The following DYNC2H1 variants were observed in gnomAD, a reference collection of about 807,000 sequenced individuals.
DYNC2H1 encodes the protein cytoplasmic dynein 2 heavy chain 1.
In DYNC2H1, 410 loss-of-function variants were observed where a neutral mutation model predicts 570.0. The ratio of observed to expected loss-of-function variants is 0.72; its 90% CI spans 0.66 to 0.78. The LOEUF (loss-of-function observed/expected upper bound fraction) is 0.78, where lower values mean the gene tolerates loss of function less well. DYNC2H1 is among the 30% of genes least tolerant of loss of function. The pLI is 0.00. For synonymous variants in DYNC2H1, 1,688 were observed against 1,677.6 expected, an observed-to-expected ratio of 1.01 and a Z score of -0.15; for missense variants, 4,865 against 5,046.4, an observed-to-expected ratio of 0.96 and a Z score of 1.09.
At position 103,234,128 on chromosome 11, in the gene DYNC2H1, C is replaced by G. The variant is rs768771336; in HGVS notation, c.9535C>G (p.Leu3179Val). Residue 3179 changes from leucine (L) to valine (V), a missense_variant, in exon 61 of 89, where the codon CTT becomes GTT. Physicochemically the swap from Leu to Val is conservative, Grantham distance 32 (BLOSUM62 1). Coordinates refer to ENST00000375735, the MANE Select transcript of DYNC2H1 (RefSeq NM_001377.3). The part of the protein sequence containing the change: ...IKAAEVLINQ[L>V]DREHKRWNAQ... ...AGCTGCAGAAGTCTTAATTAATCAG[C>G]TTGACAGAGAACATAAGAGATGGAA... 1.3e-6 allele frequency: 2 copies of G among 1,581,616 alleles called. No individual in the cohort carries two copies. The highest frequency in any genetic ancestry group is 2.3e-5 in the South Asian group (2 of 86,198).
chr11:103,274,963 C>T lies in DYNC2H1; in HGVS notation c.10696-5385C>T, dbSNP rs35226663. Among the ~76,000 whole-genome samples, 290 of 151,828 alleles carry T rather than the reference C, an allele frequency of 1.9e-3. 1 individual carries two copies. The highest frequency in any genetic ancestry group is 3.7e-3 in the Non-Finnish European group (251 of 67,930). ...TACAAAAATTAGCCAGGTGTGGTGGCGGGCACCTATAATCCCAACTACTGG... is the reference window on the plus strand; with the variant it reads ...TACAAAAATTAGCCAGGTGTGGTGGTGGGCACCTATAATCCCAACTACTGG... On this transcript the variant is annotated intron_variant, in intron 70 of 88. Coordinates refer to ENST00000375735, the MANE Select transcript of DYNC2H1 (RefSeq NM_001377.3).
intron 84 of DYNC2H1, among the ~76,000 whole-genome samples, chr11:103,426,095 T>C (rs1456617340): frequency 7.6e-6 from 1 of 131,994 alleles, no homozygotes; most frequent in Non-Finnish European, 1.6e-5. Flanking sequence ...CCACAAACAA[T>C]AGTATGAGCA....
In DYNC2H1 at chr11:103,255,987, T is replaced by A. The variant is rs942816003; in HGVS notation, c.10327-119T>A. On this transcript the variant is annotated intron_variant, in intron 67 of 88. Transcript: ENST00000375735. Reference sequence around the variant, plus strand: ...TTAAGAGGGCTATAAAATGTTGAAATTCTTCTAAAATAACATAAGTTGCCA... The same window carrying A: ...TTAAGAGGGCTATAAAATGTTGAAAATCTTCTAAAATAACATAAGTTGCCA... 50 of 873,062 alleles carry A rather than the reference T, an allele frequency of 5.7e-5. No homozygotes were observed. In the East Asian group the frequency reaches 1.5e-3, roughly 26 times the overall value. 54.1% of individuals were successfully genotyped at this position (873,062 alleles called of 1,614,324 possible).
intron 47 of DYNC2H1, among the ~76,000 whole-genome samples, chr11:103,193,333 T>C (rs1024351445): frequency 6.6e-6 from 1 of 152,122 alleles, no homozygotes; most frequent in Admixed American, 6.6e-5. Context: ...TCTTTCTCAG[T>C]CTGAAAATTG....
rs1214797317 is a variant in DYNC2H1, at chr11:103,307,726, G to A, written c.11388G>A (p.Leu3796=). 5 of 1,571,416 alleles carry A rather than the reference G, an allele frequency of 3.2e-6. No homozygotes were observed. Among genetic ancestry groups the A allele is most frequent in the Non-Finnish European group, 4.3e-6 (5 of 1,156,644 alleles). The change falls in exon 78 of 89, where the codon TTG becomes TTA. Residue 3796 remains leucine (L), a synonymous_variant. Transcript: ENST00000375735. ...TCATTGGTTTTGTAAACAAGGAATT[G>A]AATACTCTTCAACCTAAAGATACCT... ...VSWLPVLEKE[L]NTLQPKDTFR...
Position 103,209,001 on chromosome 11 carries a change from C to T in DYNC2H1, c.8455-875C>T, listed in dbSNP as rs143640758. ...TAAAAATATAAGTTTAAAATATTCT[C>T]GTATAGGTTTAAGTGTTTTGTCAGA... On this transcript the variant is annotated intron_variant, in intron 52 of 88. Transcript: ENST00000375735. This position sits in a 1 kb window ranked among gnomAD's most constrained non-coding sequence, Gnocchi z 4.2. Among the ~76,000 whole-genome samples, 375 of 152,090 alleles carry T rather than the reference C, an allele frequency of 2.5e-3. 7 individuals are homozygous for T. The East Asian group carries it at 0.03, about 12-fold the overall frequency.
intron 83 of DYNC2H1, among the ~76,000 whole-genome samples, chr11:103,365,922 C>T (rs1471432419): frequency 6.6e-6 from 1 of 152,140 alleles, no homozygotes; most frequent in East Asian, 1.9e-4. Flanking sequence ...AACAAATGCT[C>T]CTTTTTTGTG....
intron 17 of DYNC2H1, among the ~76,000 whole-genome samples, chr11:103,140,185 C>T (rs1341991331): frequency 6.6e-6 from 1 of 152,118 alleles, no homozygotes; most frequent in African/African-American, 2.4e-5. Flanking sequence ...CAGTCTGTGT[C>T]TTTTAATTGT....
rs535298311 is a variant in DYNC2H1, at chr11:103,479,355, A to G, written c.*102A>G. Reference sequence around the variant, plus strand: ...TCTACATTTGAAATGTTAGTTCAAAATATTAACATATAGTTATGTTGTTGA... The same window carrying G: ...TCTACATTTGAAATGTTAGTTCAAAGTATTAACATATAGTTATGTTGTTGA... On this transcript the variant is annotated 3_prime_UTR_variant, in exon 89 of 89. Transcript: ENST00000375735. The G allele has an allele frequency of 3.3e-5, 43 of 1,307,324 alleles. 1 individual carries two copies. The South Asian group carries it at 6.6e-4, about 20-fold the overall frequency. 81.0% of individuals were successfully genotyped at this position (1,307,324 alleles called of 1,614,324 possible).
chr11:103,449,086 A>G (rs530618281), intron 85 of DYNC2H1, among the ~76,000 whole-genome samples: 30 of 152,230 alleles, frequency 2.0e-4, no homozygotes, highest in Non-Finnish European at 3.7e-4. Flanking sequence ...AATAGCCTAT[A>G]CAGGTAAATG....
rs544295770 is a variant in DYNC2H1, at chr11:103,308,072, C to T, written c.11493+241C>T. ...AAACACATAACATGACATTTGCTAT[C>T]GTAACAATTTTTAAGTGTGTAGTGC... On this transcript the variant is annotated intron_variant, in intron 78 of 88. Transcript: ENST00000375735. 2.7e-4 allele frequency among the ~76,000 whole-genome samples: 41 copies of T among 151,992 alleles called. No homozygotes were observed. In the South Asian group the frequency reaches 4.4e-3, roughly 16 times the overall value.
At chr11:103,266,419 G>A (rs981595012) in intron 70 of DYNC2H1, among the ~76,000 whole-genome samples, 11 of 152,010 alleles carry the variant, frequency 7.2e-5, no homozygotes, top group African/African-American at 2.4e-4. Flanking sequence ...AAGCAGGAGC[G>A]GTCACTCAGG....
intron 83 of DYNC2H1, among the ~76,000 whole-genome samples, chr11:103,366,652 A>T (rs899542342): frequency 8.5e-5 from 13 of 152,164 alleles, no homozygotes; most frequent in African/African-American, 1.2e-4. Context: ...TTACAGATGT[A>T]ATTCTGCCCA....
At chr11:103,125,728 A>G (rs1223604290) in intron 12 of DYNC2H1, among the ~76,000 whole-genome samples, 2 of 152,174 alleles carry the variant, frequency 1.3e-5, no homozygotes, top group Admixed American at 1.3e-4. Context: ...ATCAACTATT[A>G]TCAGCTCACA....
chr11:103,126,094 G>C (rs996389531), intron 12 of DYNC2H1, among the ~76,000 whole-genome samples: 1 of 152,060 alleles, frequency 6.6e-6, no homozygotes, highest in Non-Finnish European at 1.5e-5. Context: ...TAGATGGCAG[G>C]AACAGTATCT....
chr11:103,314,536 T>G (rs1408281817), intron 79 of DYNC2H1, among the ~76,000 whole-genome samples: 1 of 152,066 alleles, frequency 6.6e-6, no homozygotes, highest in Non-Finnish European at 1.5e-5. Flanking sequence ...TATTTATAGC[T>G]GTCAATTTTT....
rs2134964806 is a variant in DYNC2H1, at chr11:103,170,391, A to G, written c.5151+101A>G. ...ACTCTACTTAAAAATCACTACATTT[A>G]AATTAGTTGAAGACAGAATTTGTTT... On this transcript the variant is annotated intron_variant, in intron 33 of 88. Transcript: ENST00000375735. This position sits in a 1 kb window ranked among gnomAD's most constrained non-coding sequence, Gnocchi z 4.8. The G allele has an allele frequency of 1.1e-5, 13 of 1,164,558 alleles. No individual in the cohort carries two copies. The South Asian group carries it at 2.5e-4, about 22-fold the overall frequency. The allele number at this position is 1,164,558 out of a possible 1,614,324, so 72.1% of individuals were successfully genotyped here. A position where few individuals can be genotyped will look rare whatever the true frequency, so the allele number is the denominator to read the frequency against.
At chr11:103,349,550 T>C (rs2566926) in intron 82 of DYNC2H1, among the ~76,000 whole-genome samples, 72,932 of 152,004 alleles carry the variant, frequency 0.48, 19,388 homozygotes, top group Admixed American at 0.59. Flanking sequence ...TAACCAGTTA[T>C]GCACAAAATA....
At position 103,204,889 on chromosome 11, in the gene DYNC2H1, T is replaced by C; in HGVS notation, c.8379T>C (p.Cys2793=). The C allele has an allele frequency of 1.9e-6, 3 of 1,593,448 alleles. No individual in the cohort carries two copies. The highest frequency in any genetic ancestry group is 2.6e-6 in the Non-Finnish European group (3 of 1,168,712). The change falls in exon 52 of 89, where the codon TGT becomes TGC. Residue 2793 remains cysteine, a synonymous_variant. Transcript: ENST00000375735. The surrounding 1 kb of genome is among the most constrained non-coding windows in gnomAD (Gnocchi z 4.1). ...DSANSNFMIN[C]ESNPALHKKC... ...CAAATTCAAACTTCATGATAAACTG[T>C]GAGAGTAATCCAGCTTTGCATAAGA...
Sources: gnomAD v4.1 joint callset for allele counts (sites outside exome capture counted in the v4.1 genomes callset) on GRCh38, gnomAD v4.1.1 for gene constraint, Gnocchi (gnomAD v3.1) non-coding constraint, MANE v1.5 for transcripts, NCBI Gene and HGNC (gene_info 2026-07-23, HGNC 2026-07-21) for gene names.